Variants in IDO2 observed in about 807,000 individuals in gnomAD.
The protein encoded by IDO2 is indoleamine 2,3-dioxygenase-like 1 protein.
A neutral mutation model predicts 45.1 loss-of-function variants in IDO2; 46 were observed. The ratio of observed to expected loss-of-function variants is 1.02; its 90% CI spans 0.80 to 1.30. IDO2 has a LOEUF of 1.30. Among genes scored for constraint, IDO2 ranks in the 50% most tolerant of loss-of-function variants. The pLI is 0.00. For synonymous variants in IDO2, 218 were observed against 184.9 expected (o/e 1.18, Z -1.45); for missense variants, 544 against 491.8 (o/e 1.11, Z -1.00).
At chr8:39,995,227 C>CTT (rs1802018156) in intron 8 of IDO2, 2 of 66,910 alleles carry the variant, frequency 3.0e-5, no homozygotes, top group African/African-American at 1.1e-4. Context: ...TTCTCCTTCT[C>CTT]CTTCTCCTTC....
chr8:39,956,556 G>A (rs974005386), intron 2 of IDO2, among the ~76,000 whole-genome samples: 3 of 151,948 alleles, frequency 2.0e-5, no homozygotes, highest in Non-Finnish European at 2.9e-5. Context: ...TCCCAAATGC[G>A]AACTCAACTG....
At chr8:39,963,768 C>A in intron 3 of IDO2, 65 bp downstream of exon 3, 2 of 954,468 alleles carry the variant, frequency 2.1e-6, no homozygotes, top group South Asian at 1.5e-5. Flanking sequence ...TCTTTCTTAG[C>A]CTTGTGGAAG....
At chr8:39,951,483 G>A (rs2129593408) in intron 2 of IDO2, among the ~76,000 whole-genome samples, 1 of 152,212 alleles carries the variant, frequency 6.6e-6, no homozygotes, top group East Asian at 1.9e-4. Context: ...CAATTCGGAT[G>A]AGTCGGTCAC....
At chr8:39,941,359 C>T (rs531687380) in intron 1 of IDO2, among the ~76,000 whole-genome samples, 150 of 151,756 alleles carry the variant, frequency 9.9e-4, no homozygotes, top group African/African-American at 3.0e-3. Context: ...CTATGAATAA[C>T]CAGACCAAAG....
chr8:40,015,450 G>A (rs370060883), exon 11 of IDO2: 1 of 1,613,960 alleles, frequency 6.2e-7, no homozygotes, highest in Non-Finnish European at 8.5e-7. Flanking sequence ...CCTCATCACA[G>A]CTGCAGCCAA....
At chr8:40,005,471 G>C in intron 9 of IDO2, 93 bp downstream of exon 9, 1 of 741,192 alleles carries the variant, frequency 1.3e-6, no homozygotes, top group Non-Finnish European at 2.1e-6. Flanking sequence ...CCTAGCGTAA[G>C]AAACATACCA....
chr8:39,984,385 G>T (rs1409154302), intron 5 of IDO2, among the ~76,000 whole-genome samples: 1 of 152,224 alleles, frequency 6.6e-6, no homozygotes, highest in African/African-American at 2.4e-5. Flanking sequence ...TGAGGCAGGA[G>T]AATCACTTGA....
chr8:40,003,679 A>G (rs1223319440), intron 8 of IDO2, among the ~76,000 whole-genome samples: 1 of 152,154 alleles, frequency 6.6e-6, no homozygotes, highest in African/African-American at 2.4e-5. Flanking sequence ...TTGTTTGAGT[A>G]GCATGCTTTG....
chr8:39,983,675 C>T (rs953016399), intron 5 of IDO2, among the ~76,000 whole-genome samples: 3 of 151,996 alleles, frequency 2.0e-5, no homozygotes, highest in African/African-American at 7.3e-5. Context: ...ACCAGCCTGG[C>T]CAACATGGTG....
chr8:39,952,701 T>C (rs752670232), intron 2 of IDO2, among the ~76,000 whole-genome samples: 3 of 152,042 alleles, frequency 2.0e-5, no homozygotes, highest in Non-Finnish European at 4.4e-5. Context: ...GAAATTAGCT[T>C]GGCATCAAGA....
chr8:39,997,414 C>G (rs1802062961), intron 8 of IDO2, among the ~76,000 whole-genome samples: 1 of 152,110 alleles, frequency 6.6e-6, no homozygotes, highest in Non-Finnish European at 1.5e-5. Context: ...TGGCTCATGC[C>G]TGTAATCCAA....
intron 3 of IDO2, among the ~76,000 whole-genome samples, chr8:39,965,011 G>A (rs1808063743): frequency 6.6e-6 from 1 of 152,188 alleles, no homozygotes; most frequent in African/African-American, 2.4e-5. Context: ...TTAGAATTCA[G>A]TTTGTGAATT....
intron 9 of IDO2, among the ~76,000 whole-genome samples, chr8:40,006,671 A>ATTTTATTTTATTTTAT (rs1200508052): frequency 3.3e-5 from 5 of 151,044 alleles, no homozygotes; most frequent in Admixed American, 3.3e-4. Flanking sequence ...ATTTTATTTT[A>ATTTTATTTTATTTTAT]TTTTTTGAGA....
intron 2 of IDO2, among the ~76,000 whole-genome samples, chr8:39,952,850 C>T (rs555624128): frequency 1.3e-5 from 2 of 151,772 alleles, no homozygotes; most frequent in Admixed American, 6.6e-5. Flanking sequence ...CTCACTGCAA[C>T]CTCCGCCTCC....
intron 1 of IDO2, among the ~76,000 whole-genome samples, chr8:39,944,670 C>A (rs896006032): frequency 6.6e-6 from 1 of 152,172 alleles, no homozygotes; most frequent in African/African-American, 2.4e-5. Context: ...CTTAAAGCCC[C>A]TGCACCTGGA....
At chr8:39,985,218 T>A (rs1808406432) in intron 5 of IDO2, 1 of 447,674 alleles carries the variant, frequency 2.2e-6, no homozygotes, top group Non-Finnish European at 4.0e-6. Flanking sequence ...CATGAGCCAC[T>A]GTGCCCAGCC....
At chr8:40,012,597 G>C (rs1422225202) in intron 9 of IDO2, among the ~76,000 whole-genome samples, 1 of 152,134 alleles carries the variant, frequency 6.6e-6, no homozygotes. Context: ...ACATTATAAA[G>C]TCACCCCCAC....
chr8:40,000,328 T>G (rs1339925443), intron 8 of IDO2, among the ~76,000 whole-genome samples: 1 of 151,762 alleles, frequency 6.6e-6, no homozygotes, highest in Non-Finnish European at 1.5e-5. Context: ...GAGAATCGCT[T>G]GAACCCAGGA....
At chr8:39,985,606 A>G (rs2129594613) in intron 6 of IDO2, 84 bp downstream of exon 6, 2 of 1,125,262 alleles carry the variant, frequency 1.8e-6, no homozygotes, top group Admixed American at 4.4e-5. Context: ...AAAGCATGCT[A>G]AATTATATGT....
Sources: allele counts gnomAD v4.1 joint callset (sites outside exome capture counted in the v4.1 genomes callset), GRCh38; gene constraint gnomAD v4.1.1; transcripts MANE v1.5; gene names NCBI Gene and HGNC (gene_info 2026-07-23, HGNC 2026-07-21).